NSD2: variants seen among roughly 807,000 people sequenced by gnomAD.
NSD2 encodes nuclear receptor binding SET domain protein 2, also known as histone-lysine N-methyltransferase NSD2.
Under a neutral mutation model 139.0 loss-of-function variants are expected in NSD2, and 12 were observed. That is an observed-to-expected ratio of 0.09 (90% CI 0.06 to 0.14). The LOEUF is 0.14. Among genes scored for constraint, NSD2 ranks in the 10% least tolerant of loss-of-function variants. The pLI, the probability that NSD2 is intolerant of heterozygous loss-of-function variation, is 1.00. For missense variants in NSD2, 1,155 were observed against 1,745.0 expected (o/e 0.66, Z 6.02); for synonymous variants, 669 against 648.7 (o/e 1.03, Z -0.48).
chr4:1,944,083 C>CGG, intron 9 of NSD2: 4 of 1,065,014 alleles, frequency 3.8e-6, no homozygotes, highest in Non-Finnish European at 4.5e-6. Flanking sequence ...TGTATCTCAG[C>CGG]GGGGGGTGGG....
chr4:1,929,899 C>T (rs1055161740), intron 5 of NSD2, among the ~76,000 whole-genome samples: 2 of 152,034 alleles, frequency 1.3e-5, no homozygotes, highest in African/African-American at 2.4e-5. Flanking sequence ...GATTTCAAAC[C>T]CCCAGGTTAT....
rs866288322 is a variant in NSD2 at position 1,939,783 on chromosome 4, A to G, written c.1881+5A>G. ...GCATCCTTAACTGAGAATGAGGTAA[A>G]ATAATAATAATAACGATAACCATGG... On this transcript the variant is annotated splice_donor_5th_base_variant and intron_variant, in intron 9 of 21. Coordinates refer to ENST00000508803, the MANE Select transcript of NSD2 (RefSeq NM_001042424.3). 6.2e-7 allele frequency: 1 copy of G among 1,613,740 alleles called. No homozygotes were observed. Among genetic ancestry groups the G allele is most frequent in the South Asian group, 1.1e-5 (1 of 91,070 alleles).
At chr4:1,910,052 A>G (rs569612459) in intron 3 of NSD2, among the ~76,000 whole-genome samples, 1 of 152,340 alleles carries the variant, frequency 6.6e-6, no homozygotes, top group East Asian at 1.9e-4. Flanking sequence ...ATATACATGC[A>G]AAAGTGAACA....
At position 1,940,665 on chromosome 4, in the gene NSD2, T is replaced by G; in HGVS notation, c.1881+887T>G. On this transcript the variant is annotated intron_variant, in intron 9 of 21. Transcript: ENST00000508803. ...GTCATGTTTATGAGGAGATGATAAC[T>G]GGGGGCCCTTTTGGAACAGGGTAGT... The G allele has an allele frequency of 5.7e-6, 6 of 1,061,808 alleles. No homozygotes were observed. The African/African-American group carries it at 8.2e-5, about 15-fold the overall frequency. The allele number at this position is 1,061,808 out of a possible 1,614,324, so 65.8% of individuals were successfully genotyped here.
At chr4:1,978,305 C>T (rs558738170) in intron 21 of NSD2, among the ~76,000 whole-genome samples, 2 of 152,270 alleles carry the variant, frequency 1.3e-5, no homozygotes, top group South Asian at 2.1e-4. Flanking sequence ...TGGGAGAGGG[C>T]AGGTCACATG....
intron 1 of NSD2, among the ~76,000 whole-genome samples, chr4:1,876,412 T>G (rs1714258781): frequency 6.6e-6 from 1 of 152,104 alleles, no homozygotes; most frequent in South Asian, 2.1e-4. Flanking sequence ...CAGTAGTGGA[T>G]AGGCACAGTT....
In NSD2 at chr4:1,918,553, C is replaced by G. The variant is rs1306925576; in HGVS notation, c.1340C>G (p.Ser447Cys). The change falls in exon 5 of 22, where the codon TCC becomes TGC. Residue 447 changes from serine to cysteine, a missense_variant. Ser to Cys is a moderately radical substitution (Grantham distance 112). This residue lies in a region of NSD2 where 420 missense variants were observed against 469.0 expected (regional missense o/e 0.90). Coordinates refer to ENST00000508803, the MANE Select transcript of NSD2 (RefSeq NM_001042424.3). Reference sequence around the variant, plus strand: ...CCTGGGAGGAAGAAGACCACAGTCTCCATGCCACGAAGCAGGAAGGGAGAT... The same window carrying G: ...CCTGGGAGGAAGAAGACCACAGTCTGCATGCCACGAAGCAGGAAGGGAGAT... ...SPPGRKKTTV[S>C]MPRSRKGDAA... The G allele has an allele frequency of 6.2e-7, 1 of 1,613,884 alleles. No homozygotes were observed. The highest frequency in any genetic ancestry group is 8.5e-7 in the Non-Finnish European group (1 of 1,179,954).
At chr4:1,911,587 C>CAAAAAAAAAAAAAAAAAAAAA (rs372660600) in intron 3 of NSD2, among the ~76,000 whole-genome samples, 27 of 42,022 alleles carry the variant, frequency 6.4e-4, no homozygotes, top group South Asian at 1.1e-3. Flanking sequence ...GACGCCATCT[C>CAAAAAAAAAAAAAAAAAAAAA]AAAAAAAAAA....
rs1723270921 is a variant in NSD2, at chr4:1,943,135, G to A, written c.1881+3357G>A. On this transcript the variant is annotated intron_variant, in intron 9 of 21. Transcript: ENST00000508803. ...CATGTTTCATTGTCTTAATGTCGGG[G>A]AGCAGCCTGGTGTCCTGCCCCAGGT... The A allele has an allele frequency of 1.9e-6, 2 of 1,044,778 alleles. 1 individual carries two copies. Among genetic ancestry groups the A allele is most frequent in the South Asian group, 9.2e-5 (2 of 21,812 alleles). 64.7% of individuals were successfully genotyped at this position (1,044,778 alleles called of 1,614,324 possible).
Position 1,942,524 on chromosome 4 carries a change from C to T in NSD2, c.1881+2746C>T. The T allele has an allele frequency of 7.0e-7, 1 of 1,438,278 alleles. No individual in the cohort carries two copies. Among genetic ancestry groups the T allele is most frequent in the Non-Finnish European group, 9.2e-7 (1 of 1,092,196 alleles). The allele number at this position is 1,438,278 out of a possible 1,614,324, so 89.1% of individuals were successfully genotyped here. A position where few individuals can be genotyped will look rare whatever the true frequency, so the allele number is the denominator to read the frequency against. On this transcript the variant is annotated intron_variant, in intron 9 of 21. Transcript: ENST00000508803. This position sits in a 1 kb window ranked among gnomAD's most constrained non-coding sequence, Gnocchi z 4.0. ...ATCTGTTTTTACTGGTATTAATAAACACATACAATGAAGAAAACAGATAAC... is the reference window on the plus strand; with the variant it reads ...ATCTGTTTTTACTGGTATTAATAAATACATACAATGAAGAAAACAGATAAC...
intron 9 of NSD2, chr4:1,945,957 G>C (rs1401159309): frequency 1.9e-6 from 2 of 1,051,824 alleles, no homozygotes; most frequent in African/African-American, 3.3e-5. Flanking sequence ...TAATTTCAAA[G>C]CTTCCTCTGG....
At chr4:1,911,608 GAAAAAAAA>G (rs1241442182) in intron 3 of NSD2, among the ~76,000 whole-genome samples, 26 of 104,766 alleles carry the variant, frequency 2.5e-4, no homozygotes, top group African/African-American at 9.6e-4. Flanking sequence ...AAAAAAAAAA[GAAAAAAAA>G]AAAGAAAGAA....
intron 5 of NSD2, among the ~76,000 whole-genome samples, chr4:1,927,800 C>G (rs368311101): frequency 7.0e-6 from 1 of 143,660 alleles, no homozygotes; most frequent in African/African-American, 2.6e-5. Flanking sequence ...TCTGAAGACT[C>G]TAATTTGTAG....
chr4:1,960,654 C>A (rs1725274599), intron 17 of NSD2, among the ~76,000 whole-genome samples: 1 of 152,240 alleles, frequency 6.6e-6, no homozygotes, highest in African/African-American at 2.4e-5. Flanking sequence ...TGCCTGACTG[C>A]TGATTCACCC....
rs1219396916 is a variant in NSD2 at position 1,948,685 on chromosome 4, A to G, written c.1882-2387A>G. ...CCTCATGTGTGTCGTTAACATTTAT[A>G]TATTTCCATTCAAAATATGTATTCA... On this transcript the variant is annotated intron_variant, in intron 9 of 21. Coordinates refer to ENST00000508803, the MANE Select transcript of NSD2 (RefSeq NM_001042424.3). The surrounding 1 kb of genome is among the most constrained non-coding windows in gnomAD (Gnocchi z 4.5). 1 of 1,056,174 alleles carries G rather than the reference A, an allele frequency of 9.5e-7. No individual in the cohort carries two copies. The highest frequency in any genetic ancestry group is 4.6e-5 in the South Asian group (1 of 21,898). 65.4% of individuals were successfully genotyped at this position (1,056,174 alleles called of 1,614,324 possible).
rs952294936 is a variant in NSD2 at position 1,974,054 on chromosome 4, G to A, written c.3373-809G>A. 4.6e-5 allele frequency among the ~76,000 whole-genome samples: 7 copies of A among 152,066 alleles called. No homozygotes were observed. Among genetic ancestry groups the A allele is most frequent in the African/African-American group, 7.2e-5 (3 of 41,396 alleles). On this transcript the variant is annotated intron_variant, in intron 18 of 21. Coordinates refer to ENST00000508803, the MANE Select transcript of NSD2 (RefSeq NM_001042424.3). This position sits in a 1 kb window ranked among gnomAD's most constrained non-coding sequence, Gnocchi z 4.0. ...TTGCTGCCTCGAAAGCCTTCCTGCCGGCCCTGCAGCCACCCCTCATCTCAG... is the reference window on the plus strand; with the variant it reads ...TTGCTGCCTCGAAAGCCTTCCTGCCAGCCCTGCAGCCACCCCTCATCTCAG...
chr4:1,971,188 G>A (rs1726434335), intron 18 of NSD2, among the ~76,000 whole-genome samples: 1 of 152,102 alleles, frequency 6.6e-6, no homozygotes, highest in African/African-American at 2.4e-5. Flanking sequence ...GGGAGACCCT[G>A]TCTCAATTAA....
At chr4:1,944,128 G>A (rs1426050004) in intron 9 of NSD2, 3 of 1,066,174 alleles carry the variant, frequency 2.8e-6, no homozygotes, top group African/African-American at 1.6e-5. Flanking sequence ...GGGAAGGTGG[G>A]CAGGGGCAAG....
chr4:1,880,035 G>A (rs1428550397), intron 1 of NSD2, among the ~76,000 whole-genome samples: 1 of 152,104 alleles, frequency 6.6e-6, no homozygotes, highest in Non-Finnish European at 1.5e-5. Flanking sequence ...AGTAGAGATA[G>A]TTTTTGGGTA....
Sources: allele counts gnomAD v4.1 joint callset (sites outside exome capture counted in the v4.1 genomes callset), GRCh38; gene constraint gnomAD v4.1.1; regional missense constraint gnomAD v4.1.1; non-coding constraint Gnocchi (gnomAD v3.1); transcripts MANE v1.5; gene names NCBI Gene and HGNC (gene_info 2026-07-23, HGNC 2026-07-21).